Variants in TAFA5 observed in about 807,000 individuals in gnomAD.
The protein encoded by TAFA5 is chemokine-like protein TAFA-5.
A neutral mutation model predicts 15.3 loss-of-function variants in TAFA5; 6 were observed. The ratio of observed to expected loss-of-function variants is 0.39; its 90% CI spans 0.21 to 0.77. The LOEUF is 0.77. TAFA5 is among the 30% of genes least tolerant of loss of function. TAFA5 has a pLI of 0.41. For synonymous variants in TAFA5, 103 were observed against 80.7 expected, an observed-to-expected ratio of 1.28 and a Z score of -1.48; for missense variants, 161 against 193.1, an observed-to-expected ratio of 0.83 and a Z score of 0.98.
At chr22:48,551,039 C>T (rs1225259546) in intron 1 of TAFA5, among the ~76,000 whole-genome samples, 1 of 152,014 alleles carries the variant, frequency 6.6e-6, no homozygotes, top group African/African-American at 2.4e-5. Context: ...CAGGGCTGCT[C>T]TGAGGGCACC....
intron 1 of TAFA5, among the ~76,000 whole-genome samples, chr22:48,501,073 A>C (rs936399120): frequency 6.7e-6 from 1 of 149,900 alleles, no homozygotes; most frequent in East Asian, 2.0e-4. Context: ...CTTCCTTGTC[A>C]CCCCCACCCT....
At chr22:48,624,821 C>T (rs776687431) in intron 1 of TAFA5, among the ~76,000 whole-genome samples, 10 of 152,204 alleles carry the variant, frequency 6.6e-5, no homozygotes, top group African/African-American at 2.2e-4. Flanking sequence ...AGGTCTTGGC[C>T]GGGTGTGGTG....
At chr22:48,591,371 G>A (rs911710373) in intron 1 of TAFA5, among the ~76,000 whole-genome samples, 2 of 152,210 alleles carry the variant, frequency 1.3e-5, no homozygotes, top group Non-Finnish European at 2.9e-5. Context: ...GGGTGTTCCC[G>A]TCGCAAGCCA....
intron 2 of TAFA5, among the ~76,000 whole-genome samples, chr22:48,675,328 C>T (rs973315508): frequency 3.3e-5 from 5 of 152,306 alleles, no homozygotes; most frequent in South Asian, 4.1e-4. Context: ...CTTCCTGTGG[C>T]GGGGCCCCCG....
chr22:48,564,075 A>G (rs935132088), intron 1 of TAFA5, among the ~76,000 whole-genome samples: 1 of 152,246 alleles, frequency 6.6e-6, no homozygotes, highest in Non-Finnish European at 1.5e-5. Context: ...GTGTGCAGGA[A>G]GTGAGGACGT....
intron 1 of TAFA5, among the ~76,000 whole-genome samples, chr22:48,535,399 A>G (rs1456067797): frequency 2.6e-5 from 4 of 152,256 alleles, no homozygotes; most frequent in Admixed American, 6.5e-5. Flanking sequence ...TGACTTCAGT[A>G]TTACACGGGT....
At chr22:48,534,971 A>G (rs559579321) in intron 1 of TAFA5, among the ~76,000 whole-genome samples, 10 of 152,018 alleles carry the variant, frequency 6.6e-5, no homozygotes, top group African/African-American at 2.4e-4. Context: ...TTTTCTTCCT[A>G]GTTCTACTGG....
intron 1 of TAFA5, among the ~76,000 whole-genome samples, chr22:48,580,775 G>A (rs529020428): frequency 1.9e-4 from 29 of 152,336 alleles, no homozygotes; most frequent in African/African-American, 5.5e-4. Flanking sequence ...GCCAGGCTCC[G>A]AGCTTGGAGC....
At chr22:48,575,010 G>A (rs1923711838) in intron 1 of TAFA5, among the ~76,000 whole-genome samples, 1 of 152,180 alleles carries the variant, frequency 6.6e-6, no homozygotes, top group Non-Finnish European at 1.5e-5. Context: ...AGGGGCAGGT[G>A]TGAGTGTGTT....
At chr22:48,713,021 A>G (rs1046818028) in intron 3 of TAFA5, among the ~76,000 whole-genome samples, 2 of 152,194 alleles carry the variant, frequency 1.3e-5, no homozygotes, top group Admixed American at 1.3e-4. Flanking sequence ...ACGTTTTTGT[A>G]GTGTTTATGT....
intron 3 of TAFA5, among the ~76,000 whole-genome samples, chr22:48,744,912 A>G (rs1024155058): frequency 1.3e-5 from 2 of 151,362 alleles, no homozygotes; most frequent in Non-Finnish European, 2.9e-5. Context: ...GACATGCACC[A>G]CCATGGCCTG....
At chr22:48,543,579 G>C (rs922003795) in intron 1 of TAFA5, 2 of 152,336 alleles carry the variant, frequency 1.3e-5, no homozygotes, top group Non-Finnish European at 2.9e-5. Flanking sequence ...GCTGACCGCA[G>C]TCTGGAGAGG....
chr22:48,583,572 ACG>A, intron 1 of TAFA5, among the ~76,000 whole-genome samples: 1 of 57,552 alleles, frequency 1.7e-5, no homozygotes, highest in Non-Finnish European at 3.6e-5. Context: ...ACCACACATC[ACG>A]CACACACACC....
At chr22:48,512,674 A>T (rs1056219675) in intron 1 of TAFA5, among the ~76,000 whole-genome samples, 71 of 151,386 alleles carry the variant, frequency 4.7e-4, no homozygotes, top group South Asian at 1.0e-3. Context: ...TAATCCTAGC[A>T]CTTTGGGAGG....
chr22:48,620,449 C>T (rs770083127), intron 1 of TAFA5, among the ~76,000 whole-genome samples: 4 of 151,984 alleles, frequency 2.6e-5, no homozygotes, highest in Admixed American at 2.0e-4. Context: ...ATTCAGGAGG[C>T]GGTTTTTAAT....
At chr22:48,684,643 C>T (rs1240980328) in intron 2 of TAFA5, among the ~76,000 whole-genome samples, 2 of 152,192 alleles carry the variant, frequency 1.3e-5, no homozygotes, top group Non-Finnish European at 2.9e-5. Context: ...CACACTCCTG[C>T]CCGCTTCCCA....
chr22:48,641,623 C>A (rs1926681346), intron 1 of TAFA5, among the ~76,000 whole-genome samples: 1 of 149,142 alleles, frequency 6.7e-6, no homozygotes, highest in East Asian at 2.1e-4. Flanking sequence ...ACACAACACC[C>A]TCCCTTCCCC....
intron 2 of TAFA5, among the ~76,000 whole-genome samples, chr22:48,650,578 G>T (rs575042802): frequency 1.1e-4 from 16 of 152,246 alleles, no homozygotes; most frequent in African/African-American, 3.6e-4. Flanking sequence ...GAAAAGAGGG[G>T]GCCAGTGGTT....
At chr22:48,562,471 A>G (rs2147133092) in intron 1 of TAFA5, among the ~76,000 whole-genome samples, 1 of 152,292 alleles carries the variant, frequency 6.6e-6, no homozygotes, top group East Asian at 1.9e-4. Flanking sequence ...GGAAGGGGGC[A>G]CAGGAGGGTC....
Sources: allele counts gnomAD v4.1 joint callset (sites outside exome capture counted in the v4.1 genomes callset), GRCh38; gene constraint gnomAD v4.1.1; transcripts MANE v1.5; gene names NCBI Gene and HGNC (gene_info 2026-07-23, HGNC 2026-07-21).